Variants in ZKSCAN7 observed in about 807,000 individuals in gnomAD.
ZKSCAN7 encodes zinc finger protein with KRAB and SCAN domains 7.
Under a neutral mutation model 65.3 loss-of-function variants are expected in ZKSCAN7, and 38 were observed. The ratio of observed to expected loss-of-function variants is 0.58; its 90% confidence interval spans 0.45 to 0.76. The LOEUF is 0.76. ZKSCAN7 is among the 30% of genes least tolerant of loss of function. The pLI is 0.00. For missense variants in ZKSCAN7, 815 were observed against 913.3 expected (o/e 0.89, Z 1.39); for synonymous variants, 321 against 321.0 (o/e 1.00, Z 0.00).
At chr3:44,557,599 A>C in intron 2 of ZKSCAN7, 129 bp downstream of exon 2, 1 of 1,315,950 alleles carries the variant, frequency 7.6e-7, no homozygotes, top group Middle Eastern at 1.9e-4. Flanking sequence ...TGTCCTGTGG[A>C]TAGAGGGAAA....
intron 2 of ZKSCAN7, among the ~76,000 whole-genome samples, chr3:44,557,979 A>T (rs966059113): frequency 6.6e-6 from 1 of 152,046 alleles, no homozygotes; most frequent in African/African-American, 2.4e-5. Context: ...TTTAATTCTA[A>T]TTTAAGTTTT....
intron 5 of ZKSCAN7, 134 bp downstream of exon 5, chr3:44,568,567 C>T: frequency 7.9e-7 from 1 of 1,273,704 alleles, no homozygotes; most frequent in Non-Finnish European, 1.1e-6. Flanking sequence ...TATAGGGACC[C>T]TTTCTGCATT....
chr3:44,569,959 A>C lies in ZKSCAN7; in HGVS notation c.849A>C (p.Pro283=). 1 of 1,568,312 alleles carries C rather than the reference A, an allele frequency of 6.4e-7. No homozygotes were observed. The highest frequency in any genetic ancestry group is 1.4e-5 in the African/African-American group (1 of 73,032). The part of the protein sequence containing the change: ...ENMMKGSELT[P]KQEFFKGSES... ...TGATGAAGGGTTCAGAGTTGACTCC[A>C]AAGCAGGAATTTTTTAAAGGATCAG... Residue 283 remains proline (P), a synonymous_variant, in exon 6 of 6, where the codon CCA becomes CCC. Coordinates refer to ENST00000426540, the MANE Select transcript of ZKSCAN7 (RefSeq NM_001288590.2).
intron 5 of ZKSCAN7, among the ~76,000 whole-genome samples, chr3:44,581,785 A>G (rs1352150426): frequency 6.6e-6 from 1 of 152,224 alleles, no homozygotes; most frequent in African/African-American, 2.4e-5. Flanking sequence ...AAAATATTCT[A>G]CAGCCAAACC....
chr3:44,572,842 T>A (rs1293289476), downstream of ZKSCAN7, among the ~76,000 whole-genome samples: 2 of 62,352 alleles, frequency 3.2e-5, no homozygotes, highest in African/African-American at 1.3e-4. Context: ...AGAGCGAGAC[T>A]CTGTCTCAAA....
intron 1 of ZKSCAN7, 34 bp from the exon 2 acceptor site, chr3:44,556,896 T>G: frequency 9.6e-7 from 1 of 1,047,102 alleles, no homozygotes; most frequent in Non-Finnish European, 1.4e-6. Context: ...GGCTGAATAC[T>G]CCAAGAACTC....
At chr3:44,569,404 C>G (rs886178624) in intron 5 of ZKSCAN7, among the ~76,000 whole-genome samples, 2 of 152,228 alleles carry the variant, frequency 1.3e-5, no homozygotes, top group Non-Finnish European at 2.9e-5. Context: ...TCTTTTTGTA[C>G]ACTTTCCTTA....
intron 5 of ZKSCAN7, chr3:44,580,308 C>G: frequency 6.2e-7 from 1 of 1,613,872 alleles, no homozygotes; most frequent in Non-Finnish European, 8.5e-7. Flanking sequence ...CTCTTCTTTG[C>G]TCTCCAGCCC....
At chr3:44,575,316 C>T (rs936348946), downstream of ZKSCAN7, among the ~76,000 whole-genome samples, 1 of 152,168 alleles carries the variant, frequency 6.6e-6, no homozygotes. Context: ...TGCATGTCCA[C>T]CACTTTGTTA....
chr3:44,580,935 G>A (rs1700063271), intron 5 of ZKSCAN7: 1 of 1,612,778 alleles, frequency 6.2e-7, no homozygotes, highest in Non-Finnish European at 8.5e-7. Flanking sequence ...GAGGAGATGC[G>A]ACTCGCGGGG....
chr3:44,573,432 A>C (rs1699862029), downstream of ZKSCAN7, among the ~76,000 whole-genome samples: 1 of 152,194 alleles, frequency 6.6e-6, no homozygotes, highest in African/African-American at 2.4e-5. Context: ...AGGCATAGGA[A>C]AATAAGATTA....
downstream of ZKSCAN7, among the ~76,000 whole-genome samples, chr3:44,575,745 T>A (rs1699909991): frequency 1.3e-5 from 2 of 152,128 alleles, no homozygotes; most frequent in South Asian, 4.1e-4. Flanking sequence ...GCCAGGCTAA[T>A]TTTTGTATTT....
intron 1 of ZKSCAN7, among the ~76,000 whole-genome samples, chr3:44,556,193 C>T (rs1699288451): frequency 6.6e-6 from 1 of 152,150 alleles, no homozygotes; most frequent in Non-Finnish European, 1.5e-5. Flanking sequence ...CCTTTGGTGG[C>T]CGTGCAGCAG....
intron 2 of ZKSCAN7, 74 bp downstream of exon 2, chr3:44,557,544 C>G: frequency 6.3e-7 from 1 of 1,597,612 alleles, no homozygotes; most frequent in East Asian, 2.2e-5. Flanking sequence ...AGGCATTCTC[C>G]ACTTCCCAGG....
Position 44,557,253 on chromosome 3 carries a change from A to G in ZKSCAN7, c.206A>G (p.Gln69Arg), listed in dbSNP as rs141043293. ...QLCYHEMSGP[Q>R]EALSRLRELC... is the part of the protein sequence containing the mutation. ...TGTTACCACGAGATGTCTGGGCCGC[A>G]GGAAGCATTGAGCCGGCTTCGGGAG... is the stretch of plus-strand genomic sequence containing the variant. Residue 69 changes from glutamine to arginine, a missense_variant, in exon 2 of 6, where the codon CAG becomes CGG. Around this residue, in one of 3 missense-constraint regions of ZKSCAN7, gnomAD observed 227 missense variants for 253.3 expected, o/e 0.90. Coordinates refer to ENST00000426540, the MANE Select transcript of ZKSCAN7 (RefSeq NM_001288590.2). 5.1e-5 allele frequency: 82 copies of G among 1,614,172 alleles called. No individual in the cohort carries two copies. The highest frequency in any genetic ancestry group is 6.5e-5 in the Non-Finnish European group (77 of 1,180,058).
Position 44,570,840 on chromosome 3 carries a change from A to T in ZKSCAN7, c.1730A>T (p.Lys577Met). 1 of 1,614,244 alleles carries T rather than the reference A, an allele frequency of 6.2e-7. No homozygotes were observed. Among genetic ancestry groups the T allele is most frequent in the African/African-American group, 1.3e-5 (1 of 75,076 alleles). The change falls in exon 6 of 6, where the codon AAG becomes ATG. Residue 577 changes from lysine to methionine, a missense_variant. By Grantham distance (95) the Lys-to-Met change is moderately conservative (BLOSUM62 -1). This residue lies in a region of ZKSCAN7 where 578 missense variants were observed against 629.5 expected (regional missense o/e 0.92). Transcript: ENST00000426540. ...IRHQSLHTGE[K>M]PYKCSECGKA... ...CATCAGAGCCTCCATACTGGGGAAA[A>T]GCCATACAAATGTAGTGAATGTGGG... is the stretch of plus-strand genomic sequence containing the variant.
At chr3:44,573,031 A>C (rs1380744319), downstream of ZKSCAN7, among the ~76,000 whole-genome samples, 1 of 152,140 alleles carries the variant, frequency 6.6e-6, no homozygotes, top group Non-Finnish European at 1.5e-5. Flanking sequence ...CTTATCGACT[A>C]GTCCTATCTA....
chr3:44,561,244 G>A (rs955488788), intron 2 of ZKSCAN7, among the ~76,000 whole-genome samples: 19 of 151,572 alleles, frequency 1.3e-4, no homozygotes, highest in African/African-American at 4.6e-4. Flanking sequence ...AGGAAGGAAG[G>A]ACCTTCTTCA....
intron 5 of ZKSCAN7, chr3:44,579,985 C>G: frequency 1.3e-6 from 2 of 1,526,230 alleles, no homozygotes; most frequent in East Asian, 2.3e-5. Flanking sequence ...TGGGGGGGGG[C>G]TTCATTGGTG....
Sources: allele counts gnomAD v4.1 joint callset (sites outside exome capture counted in the v4.1 genomes callset), GRCh38; gene constraint gnomAD v4.1.1; regional missense constraint gnomAD v4.1.1; transcripts MANE v1.5; gene names NCBI Gene and HGNC (gene_info 2026-07-23, HGNC 2026-07-21).